Variants in AK2 observed in about 807,000 individuals in gnomAD.
AK2 encodes adenylate kinase 2.
AK2 carries 15 observed loss-of-function variants against 24.6 expected under a neutral mutation model. That is an observed-to-expected ratio of 0.61 (90% CI 0.41 to 0.94). The LOEUF is 0.94. Ranked by LOEUF, AK2 falls within the 40% of genes least tolerant of loss-of-function variation. The pLI is 0.00. For missense variants in AK2, 257 were observed against 304.1 expected, an observed-to-expected ratio of 0.85 and a Z score of 1.15; for synonymous variants, 102 against 114.0, an observed-to-expected ratio of 0.90 and a Z score of 0.67.
chr1:33,011,477 G>C lies in AK2; in HGVS notation c.*1704C>G. Reference sequence around the variant, plus strand: ...ACCAGGCAAAGAGGGAAGCAAGGTGGCCAGGTACTCATGCCCAGTTGCCAT... The same window carrying C: ...ACCAGGCAAAGAGGGAAGCAAGGTGCCCAGGTACTCATGCCCAGTTGCCAT... On this transcript the variant is annotated 3_prime_UTR_variant, in exon 6 of 6. Coordinates refer to ENST00000672715, the MANE Select transcript of AK2 (RefSeq NM_001625.4). 7.8e-7 allele frequency: 1 copy of C among 1,287,396 alleles called. No homozygotes were observed. The highest frequency in any genetic ancestry group is 1.0e-6 in the Non-Finnish European group (1 of 988,790). The allele number at this position is 1,287,396 out of a possible 1,614,324, so 79.7% of individuals were successfully genotyped here.
In AK2 at chr1:33,008,513, A is replaced by G; in HGVS notation, c.*4668T>C. Reference sequence around the variant, plus strand: ...CGGCAGCGCTGAGTGTCCATGGAAAAGAGCTCTTATTCAGAGCAGCCCTTC... The same window carrying G: ...CGGCAGCGCTGAGTGTCCATGGAAAGGAGCTCTTATTCAGAGCAGCCCTTC... On this transcript the variant is annotated 3_prime_UTR_variant, in exon 6 of 6. Coordinates refer to ENST00000672715, the MANE Select transcript of AK2 (RefSeq NM_001625.4). 1 of 454,090 alleles carries G rather than the reference A, an allele frequency of 2.2e-6. No individual in the cohort carries two copies. The highest frequency in any genetic ancestry group is 1.6e-5 in the South Asian group (1 of 64,476). 28.1% of individuals were successfully genotyped at this position (454,090 alleles called of 1,614,324 possible). A position where few individuals can be genotyped will look rare whatever the true frequency, so the allele number is the denominator to read the frequency against.
chr1:33,021,787 T>C (rs1639577046), intron 2 of AK2, 84 bp from the exon 3 acceptor site: 1 of 1,060,338 alleles, frequency 9.4e-7, no homozygotes, highest in African/African-American at 1.6e-5. Context: ...GCCAAAAGTT[T>C]GTGTATATAA....
At position 33,011,647 on chromosome 1, in the gene AK2, C is replaced by T. The variant is rs927328702; in HGVS notation, c.*1534G>A. 1.5e-6 allele frequency: 2 copies of T among 1,294,028 alleles called. No individual in the cohort carries two copies. Among genetic ancestry groups the T allele is most frequent in the Admixed American group, 4.6e-5 (2 of 43,748 alleles). 80.2% of individuals were successfully genotyped at this position (1,294,028 alleles called of 1,614,324 possible). A position where few individuals can be genotyped will look rare whatever the true frequency, so the allele number is the denominator to read the frequency against. ...TATTATTTACTGGATCTGCCACTGA[C>T]TTTCTAATGGTTTTTCCAGAGGCTG... On this transcript the variant is annotated 3_prime_UTR_variant, in exon 6 of 6. Transcript: ENST00000672715.
intron 1 of AK2, among the ~76,000 whole-genome samples, chr1:33,035,656 C>T (rs1218175332): frequency 6.6e-6 from 1 of 152,182 alleles, no homozygotes; most frequent in East Asian, 1.9e-4. Flanking sequence ...ATGAGATCAT[C>T]GATCCCAACC....
intron 2 of AK2, 147 bp downstream of exon 2, chr1:33,024,295 T>G: frequency 8.9e-7 from 1 of 1,127,724 alleles, no homozygotes; most frequent in Non-Finnish European, 1.3e-6. Context: ...GGTAAATACT[T>G]GAAATATGGC....
intron 4 of AK2, among the ~76,000 whole-genome samples, chr1:33,020,587 G>C (rs913701638): frequency 7.2e-5 from 11 of 152,300 alleles, no homozygotes; most frequent in South Asian, 4.1e-4. Flanking sequence ...GCTCAAGCCT[G>C]TAATCCCAGC....
At position 33,008,594 on chromosome 1, in the gene AK2, C is replaced by T. The variant is rs1178904115; in HGVS notation, c.*4587G>A. On this transcript the variant is annotated 3_prime_UTR_variant, in exon 6 of 6. Coordinates refer to ENST00000672715, the MANE Select transcript of AK2 (RefSeq NM_001625.4). ...CACTTCAGCAACAAGATCAAGGGGA[C>T]GGATAAGTGTTAGAGACTGTGTTTC... is the stretch of plus-strand genomic sequence containing the variant. 1.1e-5 allele frequency: 5 copies of T among 453,932 alleles called. No individual in the cohort carries two copies. Among genetic ancestry groups the T allele is most frequent in the Non-Finnish European group, 1.8e-5 (4 of 226,776 alleles). 28.1% of individuals were successfully genotyped at this position (453,932 alleles called of 1,614,324 possible).
chr1:33,012,525 C>A lies in AK2; in HGVS notation c.*656G>T. 2 of 1,333,400 alleles carry A rather than the reference C, an allele frequency of 1.5e-6. No homozygotes were observed. The highest frequency in any genetic ancestry group is 2.0e-6 in the Non-Finnish European group (2 of 1,020,098). 82.6% of individuals were successfully genotyped at this position (1,333,400 alleles called of 1,614,324 possible). On this transcript the variant is annotated 3_prime_UTR_variant, in exon 6 of 6. Transcript: ENST00000672715. ...GAAATGGAAGAAATACTATGAGGTT[C>A]TGGAATTGCGGTCCCTGGAAGATTA...
In AK2 at chr1:33,012,009, A is replaced by G; in HGVS notation, c.*1172T>C. The G allele has an allele frequency of 6.5e-7, 1 of 1,535,426 alleles. No homozygotes were observed. Among genetic ancestry groups the G allele is most frequent in the Non-Finnish European group, 8.7e-7 (1 of 1,146,710 alleles). ...ATCAAAATGAATCCAAGAATAGATC[A>G]CACACTGTTTTGTTCACACTTGGAA... On this transcript the variant is annotated 3_prime_UTR_variant, in exon 6 of 6. Transcript: ENST00000672715.
chr1:33,034,460 A>C (rs1640449542), intron 1 of AK2, among the ~76,000 whole-genome samples: 1 of 147,184 alleles, frequency 6.8e-6, no homozygotes, highest in Admixed American at 6.6e-5. Context: ...ACACACACAC[A>C]CACACACACA....
At position 33,012,211 on chromosome 1, in the gene AK2, C is replaced by G; in HGVS notation, c.*970G>C. ...CAATTCAGTTTTCAAACCCAATTCC[C>G]AAATAATTGCTATTTTCAGCATCAT... On this transcript the variant is annotated 3_prime_UTR_variant, in exon 6 of 6. Transcript: ENST00000672715. 6.5e-7 allele frequency: 1 copy of G among 1,535,380 alleles called. No homozygotes were observed. The highest frequency in any genetic ancestry group is 8.7e-7 in the Non-Finnish European group (1 of 1,146,708).
At chr1:33,017,161 T>C (rs1466358346) in intron 4 of AK2, among the ~76,000 whole-genome samples, 1 of 152,240 alleles carries the variant, frequency 6.6e-6, no homozygotes, top group Non-Finnish European at 1.5e-5. Flanking sequence ...TATTATTTTT[T>C]CTTTTCTTCA....
At chr1:33,024,962 G>A (rs1639781778) in intron 1 of AK2, among the ~76,000 whole-genome samples, 1 of 152,176 alleles carries the variant, frequency 6.6e-6, no homozygotes, top group African/African-American at 2.4e-5. Flanking sequence ...TGAGGTGGGC[G>A]GATCACGAGG....
intron 2 of AK2, among the ~76,000 whole-genome samples, chr1:33,023,249 C>T (rs1020331290): frequency 1.3e-5 from 2 of 152,174 alleles, no homozygotes; most frequent in Non-Finnish European, 2.9e-5. Context: ...TTTGTCCAAT[C>T]AGGTCAACTG....
intron 5 of AK2, among the ~76,000 whole-genome samples, 171 bp from the exon 6 acceptor site, chr1:33,013,573 T>G (rs1638987377): frequency 6.6e-6 from 1 of 152,166 alleles, no homozygotes; most frequent in African/African-American, 2.4e-5. Context: ...AGAACTTTGC[T>G]ACTCCCAGGA....
chr1:33,020,084 G>C, intron 4 of AK2: 1 of 1,535,376 alleles, frequency 6.5e-7, no homozygotes, highest in Non-Finnish European at 8.7e-7. Context: ...AAACAGGGTA[G>C]AGACAACTGT....
chr1:33,020,768 C>T lies in AK2; in HGVS notation c.425+599G>A, dbSNP rs190342464. Among the ~76,000 whole-genome samples the T allele has an allele frequency of 4.0e-5, 6 of 151,574 alleles. No individual in the cohort carries two copies. The East Asian group carries it at 7.8e-4, about 20-fold the overall frequency. ...GCTGAGACAGGAGAATTACTTGAAC[C>T]GGGGAGGCAGAGGTTGCAGTGAGCC... On this transcript the variant is annotated intron_variant, in intron 4 of 5. Transcript: ENST00000672715.
At chr1:33,023,014 G>A (rs1168782638) in intron 2 of AK2, among the ~76,000 whole-genome samples, 1 of 152,142 alleles carries the variant, frequency 6.6e-6, no homozygotes, top group African/African-American at 2.4e-5. Flanking sequence ...GCAGGCAGAG[G>A]TATCATTTGA....
intron 1 of AK2, among the ~76,000 whole-genome samples, chr1:33,036,501 T>C (rs1459161511): frequency 2.6e-5 from 4 of 152,176 alleles, no homozygotes; most frequent in Non-Finnish European, 5.9e-5. Flanking sequence ...TCACATTCCC[T>C]AACCCAACAC....
Sources: allele counts gnomAD v4.1 joint callset (sites outside exome capture counted in the v4.1 genomes callset), GRCh38; gene constraint gnomAD v4.1.1; transcripts MANE v1.5; gene names NCBI Gene and HGNC (gene_info 2026-07-23, HGNC 2026-07-21).